The following TENM3 variants were observed in gnomAD, a reference collection of about 807,000 sequenced individuals.
TENM3 encodes teneurin transmembrane protein 3.
A neutral mutation model predicts 255.1 loss-of-function variants in TENM3; 63 were observed. The ratio of observed to expected loss-of-function variants is 0.25; its 90% confidence interval spans 0.20 to 0.30. The LOEUF (loss-of-function observed/expected upper bound fraction) is 0.30, where lower values mean the gene tolerates loss of function less well. Among genes scored for constraint, TENM3 ranks in the 10% least tolerant of loss-of-function variants. TENM3 has a pLI of 1.00. For synonymous variants in TENM3, 1,306 were observed against 1,322.3 expected (o/e 0.99, Z 0.27); for missense variants, 2,929 against 3,461.1 (o/e 0.85, Z 3.86).
chr4:182,640,349 T>G (rs1466887582), intron 5 of TENM3, among the ~76,000 whole-genome samples: 1 of 152,220 alleles, frequency 6.6e-6, no homozygotes, highest in Non-Finnish European at 1.5e-5. Context: ...TGTGGGGCTT[T>G]TCCACTGGGT....
At chr4:182,712,177 T>C (rs963800405) in intron 12 of TENM3, among the ~76,000 whole-genome samples, 1 of 152,206 alleles carries the variant, frequency 6.6e-6, no homozygotes, top group African/African-American at 2.4e-5. Flanking sequence ...ACTGATAACC[T>C]TGTTCAGCAG....
At chr4:182,781,058 T>G (rs1186456831) in intron 24 of TENM3, among the ~76,000 whole-genome samples, 1 of 151,774 alleles carries the variant, frequency 6.6e-6, no homozygotes, top group Non-Finnish European at 1.5e-5. Context: ...TTCCTTCTCC[T>G]GCCTAATTGC....
chr4:181,725,420 C>CTTTTT, the TENM3 span, among the ~76,000 whole-genome samples: 10 of 133,754 alleles, frequency 7.5e-5, no homozygotes, highest in Middle Eastern at 3.8e-3. Context: ...CTTTTTCTTT[C>CTTTTT]TTTTTTTTTT....
At chr4:182,541,436 C>T (rs906451111) in intron 3 of TENM3, among the ~76,000 whole-genome samples, 7 of 152,072 alleles carry the variant, frequency 4.6e-5, no homozygotes, top group African/African-American at 1.7e-4. Context: ...CACAATCATC[C>T]AACAATATAC....
At chr4:182,617,769 A>AC (rs1749674648) in intron 4 of TENM3, among the ~76,000 whole-genome samples, 1 of 152,204 alleles carries the variant, frequency 6.6e-6, no homozygotes, top group South Asian at 2.1e-4. Flanking sequence ...AGAAAGCAGG[A>AC]CATCAAGGGA....
At chr4:182,394,348 G>A (rs536449729) in intron 3 of TENM3, among the ~76,000 whole-genome samples, 40 of 152,036 alleles carry the variant, frequency 2.6e-4, no homozygotes, top group African/African-American at 9.4e-4. Context: ...CTGATCTTAC[G>A]CAATTGAAAT....
At chr4:182,164,621 A>G (rs1473697161) in intron 1 of TENM3, among the ~76,000 whole-genome samples, 1 of 152,130 alleles carries the variant, frequency 6.6e-6, no homozygotes, top group East Asian at 1.9e-4. Context: ...CATAATACAT[A>G]ATGGAAGACA....
Position 182,371,260 on chromosome 4 carries a change from C to CACAG in TENM3, c.511+24332_511+24333insCAGA, listed in dbSNP as rs1449241562. On this transcript the variant is annotated intron_variant, in intron 3 of 27. Transcript: ENST00000511685. Reference sequence around the variant, plus strand: ...ACACACACACACACACACACACACACAGACTTTCTTATGTTTTAATGCACT... The same window carrying CACAG: ...ACACACACACACACACACACACACACACAGAGACTTTCTTATGTTTTAATGCACT... Among the ~76,000 whole-genome samples, 6 of 151,506 alleles carry CACAG rather than the reference C, an allele frequency of 4.0e-5. No individual in the cohort carries two copies. In the South Asian group the frequency reaches 1.0e-3, roughly 26 times the overall value.
the TENM3 span, among the ~76,000 whole-genome samples, chr4:181,617,656 G>T: frequency 6.6e-6 from 1 of 152,200 alleles, no homozygotes; most frequent in Non-Finnish European, 1.5e-5. Flanking sequence ...GAAGGTGTAA[G>T]CTGGGAGTGA....
At chr4:181,732,591 G>A in the TENM3 span, among the ~76,000 whole-genome samples, 17 of 152,134 alleles carry the variant, frequency 1.1e-4, no homozygotes, top group Admixed American at 7.2e-4. Context: ...TTGTGTTTCC[G>A]GTAAAAAGAA....
intron 5 of TENM3, among the ~76,000 whole-genome samples, chr4:182,645,893 A>G (rs1752704579): frequency 6.6e-6 from 1 of 152,196 alleles, no homozygotes; most frequent in African/African-American, 2.4e-5. Context: ...CCTAAACTCA[A>G]GGGGAGTAGA....
the TENM3 span, among the ~76,000 whole-genome samples, chr4:181,846,271 T>G: frequency 2.0e-5 from 3 of 152,304 alleles, no homozygotes; most frequent in South Asian, 4.1e-4. Flanking sequence ...AATGCTATCT[T>G]TTTAAAAAAA....
At chr4:182,062,864 C>T in the TENM3 span, among the ~76,000 whole-genome samples, 1 of 152,148 alleles carries the variant, frequency 6.6e-6, no homozygotes, top group African/African-American at 2.4e-5. Flanking sequence ...ATATGGCTCT[C>T]CTTGTCTTTA....
At chr4:182,152,185 G>A (rs1197660279) in intron 1 of TENM3, among the ~76,000 whole-genome samples, 2 of 151,910 alleles carry the variant, frequency 1.3e-5, no homozygotes, top group Non-Finnish European at 2.9e-5. Context: ...AGTTCAGAAA[G>A]GGTTCAGAAA....
chr4:182,483,256 A>G (rs922323529), intron 3 of TENM3, among the ~76,000 whole-genome samples: 7 of 152,214 alleles, frequency 4.6e-5, no homozygotes, highest in African/African-American at 1.4e-4. Flanking sequence ...TGTAGCAGAA[A>G]TAGTAGATGG....
the TENM3 span, among the ~76,000 whole-genome samples, chr4:181,839,361 A>G: frequency 2.0e-5 from 1 of 49,404 alleles, no homozygotes; most frequent in Non-Finnish European, 4.7e-5. Flanking sequence ...ATATATATAT[A>G]TATATATATA....
Position 182,231,256 on chromosome 4 carries a change from G to C in TENM3, c.-76+86502G>C, listed in dbSNP as rs1246175368. Among the ~76,000 whole-genome samples the C allele has an allele frequency of 3.3e-5, 5 of 152,196 alleles. No individual in the cohort carries two copies. In the South Asian group the frequency reaches 8.3e-4, roughly 25 times the overall value. On this transcript the variant is annotated intron_variant, in intron 1 of 2. Coordinates refer to the TENM3 transcript ENST00000512480. ...GGTCTAAGCTATTCCCGAGGAGGGT[G>C]CCTGACTCATTCTGACCAAGTCCTA... is the stretch of plus-strand genomic sequence containing the variant.
chr4:181,634,087 T>C, the TENM3 span, among the ~76,000 whole-genome samples: 7 of 152,346 alleles, frequency 4.6e-5, no homozygotes, highest in East Asian at 1.4e-3. Context: ...CATTTGGCAA[T>C]GGTCTCATGC....
At chr4:181,778,421 A>T in the TENM3 span, among the ~76,000 whole-genome samples, 1 of 152,094 alleles carries the variant, frequency 6.6e-6, no homozygotes, top group Admixed American at 6.6e-5. Context: ...CGCTTCTTTG[A>T]TCTATATAAA....
Sources: gnomAD v4.1 joint callset for allele counts (sites outside exome capture counted in the v4.1 genomes callset) on GRCh38, gnomAD v4.1.1 for gene constraint, MANE v1.5 for transcripts, NCBI Gene and HGNC (gene_info 2026-07-23, HGNC 2026-07-21) for gene names.